Variants in LRRTM4 observed in about 807,000 individuals in gnomAD.
The protein encoded by LRRTM4 is leucine-rich repeat transmembrane neuronal protein 4.
Under a neutral mutation model 47.6 loss-of-function variants are expected in LRRTM4, and 25 were observed. The ratio of observed to expected loss-of-function variants is 0.53; its 90% CI spans 0.38 to 0.73. The LOEUF is 0.73. LRRTM4 is among the 30% of genes least tolerant of loss of function. The pLI is 0.00. For missense variants in LRRTM4, 638 were observed against 713.4 expected (o/e 0.89, Z 1.20); for synonymous variants, 311 against 269.5 (o/e 1.15, Z -1.51).
At chr2:77,089,826 G>C (rs937238078) in intron 3 of LRRTM4, among the ~76,000 whole-genome samples, 6 of 152,058 alleles carry the variant, frequency 3.9e-5, no homozygotes, top group African/African-American at 1.4e-4. Context: ...TTTCCATCCT[G>C]CAATATCTAA....
In LRRTM4 at chr2:77,101,629, C is replaced by A. The variant is rs752442540; in HGVS notation, c.1552-352713G>T. ...TATTGCCTGGCAGTCCAAAGCCCATCTTTATTTATTTATTTTTTAACTTTC... is the reference window on the plus strand; with the variant it reads ...TATTGCCTGGCAGTCCAAAGCCCATATTTATTTATTTATTTTTTAACTTTC... On this transcript the variant is annotated intron_variant, in intron 3 of 3. Coordinates refer to ENST00000409884, the MANE Select transcript of LRRTM4 (RefSeq NM_001134745.3). Among the ~76,000 whole-genome samples the A allele has an allele frequency of 2.9e-3, 440 of 152,190 alleles. 1 individual carries two copies. The highest frequency in any genetic ancestry group is 5.2e-3 in the Non-Finnish European group (351 of 68,000).
intron 3 of LRRTM4, among the ~76,000 whole-genome samples, chr2:77,171,492 G>T (rs1673048090): frequency 6.6e-6 from 1 of 151,928 alleles, no homozygotes; most frequent in South Asian, 2.1e-4. Flanking sequence ...GGCCTGGCTG[G>T]TCTCGAACTC....
intron 3 of LRRTM4, among the ~76,000 whole-genome samples, chr2:77,108,489 A>T (rs1309453197): frequency 1.3e-5 from 2 of 151,860 alleles, no homozygotes; most frequent in African/African-American, 2.4e-5. Context: ...GAATATATAT[A>T]TTTTAATTTC....
chr2:77,049,271 ATATC>A (rs954312782), intron 3 of LRRTM4, among the ~76,000 whole-genome samples: 3 of 150,588 alleles, frequency 2.0e-5, no homozygotes, highest in Non-Finnish European at 4.4e-5. Flanking sequence ...GGGAATGCAT[ATATC>A]TATTTGACAT....
At chr2:77,301,051 T>C (rs1677122579) in intron 3 of LRRTM4, among the ~76,000 whole-genome samples, 1 of 152,076 alleles carries the variant, frequency 6.6e-6, no homozygotes, top group Non-Finnish European at 1.5e-5. Flanking sequence ...TATATCTCTT[T>C]TAAAGTTGCT....
chr2:77,101,118 CT>C (rs1670942464), intron 3 of LRRTM4, among the ~76,000 whole-genome samples: 2 of 151,896 alleles, frequency 1.3e-5, no homozygotes, highest in African/African-American at 2.4e-5. Context: ...GTAGTACTGA[CT>C]TTTTTAGTTA....
chr2:76,765,864 G>A (rs1172859111), intron 3 of LRRTM4, among the ~76,000 whole-genome samples: 1 of 152,218 alleles, frequency 6.6e-6, no homozygotes, highest in Admixed American at 6.5e-5. Flanking sequence ...ATGTCACAAT[G>A]ATGGAGGAAA....
chr2:77,514,347 A>G (rs1037738848), intron 3 of LRRTM4, among the ~76,000 whole-genome samples: 5 of 152,056 alleles, frequency 3.3e-5, no homozygotes, highest in Non-Finnish European at 5.9e-5. Flanking sequence ...ATCAATATCT[A>G]AAGTGTGAAA....
chr2:76,968,837 C>A (rs1270068496), intron 3 of LRRTM4, among the ~76,000 whole-genome samples: 1 of 151,778 alleles, frequency 6.6e-6, no homozygotes, highest in African/African-American at 2.4e-5. Context: ...ATCCCCCTTT[C>A]TCATTGATTT....
chr2:76,870,923 C>T (rs1038172400), intron 3 of LRRTM4, among the ~76,000 whole-genome samples: 1 of 152,172 alleles, frequency 6.6e-6, no homozygotes, highest in Non-Finnish European at 1.5e-5. Flanking sequence ...ATAATCCACA[C>T]TTTAATCACC....
intron 3 of LRRTM4, among the ~76,000 whole-genome samples, chr2:77,084,018 G>C (rs1278266237): frequency 6.6e-6 from 1 of 151,532 alleles, no homozygotes; most frequent in Admixed American, 6.6e-5. Flanking sequence ...TGTTAGCAAG[G>C]ATGATCCCCA....
intron 3 of LRRTM4, among the ~76,000 whole-genome samples, chr2:77,418,651 T>C (rs143126824): frequency 5.5e-4 from 84 of 152,322 alleles, no homozygotes; most frequent in Non-Finnish European, 1.0e-3. Context: ...TTCTTCATTG[T>C]ATCCCAGCAA....
chr2:76,869,758 G>A (rs1672570749), intron 3 of LRRTM4, among the ~76,000 whole-genome samples: 1 of 151,876 alleles, frequency 6.6e-6, no homozygotes, highest in African/African-American at 2.4e-5. Flanking sequence ...AAGATTTTAA[G>A]GGAACTTTAA....
intron 3 of LRRTM4, among the ~76,000 whole-genome samples, chr2:77,341,273 G>A (rs189050472): frequency 6.6e-6 from 1 of 151,930 alleles, no homozygotes; most frequent in East Asian, 1.9e-4. Flanking sequence ...AATTTTCCTA[G>A]GCTTTTTGTG....
chr2:77,030,651 A>G (rs969148715), intron 3 of LRRTM4, among the ~76,000 whole-genome samples: 1 of 152,014 alleles, frequency 6.6e-6, no homozygotes, highest in African/African-American at 2.4e-5. Context: ...AACCAAAAAG[A>G]CTCCTTGATA....
chr2:77,008,085 A>T (rs2104052749), intron 3 of LRRTM4, among the ~76,000 whole-genome samples: 1 of 152,306 alleles, frequency 6.6e-6, no homozygotes, highest in East Asian at 1.9e-4. Flanking sequence ...CCTGTTGTTT[A>T]ACCAATCGCT....
At chr2:77,318,596 T>A (rs902093513) in intron 3 of LRRTM4, among the ~76,000 whole-genome samples, 1 of 152,106 alleles carries the variant, frequency 6.6e-6, no homozygotes, top group Non-Finnish European at 1.5e-5. Context: ...CTTAATACCA[T>A]TGTGGCTTGA....
chr2:77,125,109 G>T lies in LRRTM4; in HGVS notation c.1552-376193C>A, dbSNP rs545574085. On this transcript the variant is annotated intron_variant, in intron 3 of 3. Coordinates refer to ENST00000409884, the MANE Select transcript of LRRTM4 (RefSeq NM_001134745.3). ...TGAAAAAGATCCAAAATGATTTCCA[G>T]TGCCAACATGGATAGACTGTAGTAG... is the stretch of plus-strand genomic sequence containing the variant. 2.6e-5 allele frequency among the ~76,000 whole-genome samples: 4 copies of T among 152,068 alleles called. No homozygotes were observed. The South Asian group carries it at 8.3e-4, about 32-fold the overall frequency.
intron 3 of LRRTM4, among the ~76,000 whole-genome samples, chr2:76,828,649 A>G (rs1671251218): frequency 6.6e-6 from 1 of 151,974 alleles, no homozygotes; most frequent in African/African-American, 2.4e-5. Flanking sequence ...TTGTGTTTTT[A>G]GAAACAGTTA....
Sources: gnomAD v4.1 joint callset for allele counts (sites outside exome capture counted in the v4.1 genomes callset) on GRCh38, gnomAD v4.1.1 for gene constraint, MANE v1.5 for transcripts, NCBI Gene and HGNC (gene_info 2026-07-23, HGNC 2026-07-21) for gene names.